Variants in SYNJ2 observed in about 807,000 individuals in gnomAD.
The protein encoded by SYNJ2 is polyphosphatidylinositol phosphatase SYNJ2.
In SYNJ2, 116 loss-of-function variants were observed where a neutral mutation model predicts 141.3. That is an observed-to-expected ratio of 0.82 (90% CI 0.71 to 0.96). The LOEUF (loss-of-function observed/expected upper bound fraction) is 0.96, where lower values mean the gene tolerates loss of function less well. Ranked by LOEUF, SYNJ2 falls within the 40% of genes least tolerant of loss-of-function variation. The probability of loss-of-function intolerance (pLI) is 0.00; values close to 1 mark genes in which losing one functional copy is unlikely to be tolerated. For missense variants in SYNJ2, 1,873 were observed against 1,934.8 expected (o/e 0.97, Z 0.60); for synonymous variants, 745 against 777.7 (o/e 0.96, Z 0.70).
At position 158,096,130 on chromosome 6, in the gene SYNJ2, T is replaced by C. The variant is rs41269571; in HGVS notation, c.4257T>C (p.Leu1419=). Residue 1419 remains leucine (L), a synonymous_variant, in exon 27 of 27, where the codon CTT becomes CTC. Transcript: ENST00000355585. ...GDYQDPFWNL[L]HHPKLLNNTW... is the part of the protein sequence containing the mutation. Reference sequence around the variant, plus strand: ...ATCAGGACCCCTTCTGGAACCTTCTTCACCACCCTAAACTGTTGAATAACA... The same window carrying C: ...ATCAGGACCCCTTCTGGAACCTTCTCCACCACCCTAAACTGTTGAATAACA... 1,196 of 1,614,204 alleles carry C rather than the reference T, an allele frequency of 7.4e-4. 2 individuals are homozygous for C. The highest frequency in any genetic ancestry group is 3.3e-3 in the South Asian group (299 of 91,086).
In SYNJ2 at chr6:158,066,640, G is replaced by C; in HGVS notation, c.1717+5G>C. On this transcript the variant is annotated splice_donor_5th_base_variant and intron_variant, in intron 12 of 26. Transcript: ENST00000355585. Reference sequence around the variant, plus strand: ...CGGGAGCTACCGACTCCCAGGGTGAGGGCAGTGACTTTGGGGGAGACAAAA... The same window carrying C: ...CGGGAGCTACCGACTCCCAGGGTGACGGCAGTGACTTTGGGGGAGACAAAA... The C allele has an allele frequency of 6.2e-7, 1 of 1,612,848 alleles. No individual in the cohort carries two copies. Among genetic ancestry groups the C allele is most frequent in the Admixed American group, 1.7e-5 (1 of 60,026 alleles).
At chr6:158,004,736 T>A (rs1777987071) in intron 1 of SYNJ2, among the ~76,000 whole-genome samples, 1 of 152,182 alleles carries the variant, frequency 6.6e-6, no homozygotes, top group Non-Finnish European at 1.5e-5. Flanking sequence ...CTAAGAACTC[T>A]CTCTCGGGGT....
intron 6 of SYNJ2, among the ~76,000 whole-genome samples, chr6:158,058,245 A>G (rs1282407797): frequency 1.3e-5 from 2 of 152,240 alleles, no homozygotes; most frequent in African/African-American, 4.8e-5. Context: ...ATTTAGGCAT[A>G]AAGATTGCAC....
At chr6:158,017,333 G>C (rs1562326383) in intron 2 of SYNJ2, 43 bp downstream of exon 2, 2 of 1,581,188 alleles carry the variant, frequency 1.3e-6, no homozygotes, top group Admixed American at 3.6e-5. Context: ...AGGCTCCCCG[G>C]TGGGCAGGAG....
intron 3 of SYNJ2, among the ~76,000 whole-genome samples, chr6:158,031,116 C>T (rs779423611): frequency 1.3e-5 from 2 of 152,134 alleles, no homozygotes; most frequent in Non-Finnish European, 2.9e-5. Flanking sequence ...GCATGTGCCC[C>T]GCGAGCTGTT....
At chr6:158,090,038 T>C in intron 25 of SYNJ2, 91 bp downstream of exon 25, 1 of 843,504 alleles carries the variant, frequency 1.2e-6, no homozygotes, top group Non-Finnish European at 2.0e-6. Flanking sequence ...AAATAACTCT[T>C]TTTATTCTTC....
intron 25 of SYNJ2, among the ~76,000 whole-genome samples, chr6:158,090,180 G>A (rs949359485): frequency 6.6e-5 from 10 of 151,974 alleles, no homozygotes; most frequent in Admixed American, 1.3e-4. Flanking sequence ...GCTATTAAGC[G>A]GCGTCTAAAG....
At chr6:158,026,636 C>G (rs913745969) in intron 2 of SYNJ2, among the ~76,000 whole-genome samples, 1 of 152,226 alleles carries the variant, frequency 6.6e-6, no homozygotes, top group Non-Finnish European at 1.5e-5. Flanking sequence ...AGGAAATGCA[C>G]CTGGGACTGT....
chr6:158,015,283 C>T (rs1778408093), intron 1 of SYNJ2, among the ~76,000 whole-genome samples: 3 of 152,080 alleles, frequency 2.0e-5, no homozygotes, highest in Non-Finnish European at 2.9e-5. Context: ...CTGTGGGAGT[C>T]GAGGCAGCCT....
chr6:158,095,696 C>T lies in SYNJ2; in HGVS notation c.3823C>T (p.Pro1275Ser). ...IGPPETSVEA[P>S]PVVTAPRVPP... ...GCCCCCGGAGACAAGCGTTGAGGCC[C>T]CTCCTGTCGTGACAGCCCCTCGAGT... Residue 1275 changes from proline (P) to serine (S), a missense_variant, in exon 27 of 27, where the codon CCT becomes TCT. Transcript: ENST00000355585. The T allele has an allele frequency of 6.2e-7, 1 of 1,614,174 alleles. No individual in the cohort carries two copies. The highest frequency in any genetic ancestry group is 2.2e-5 in the East Asian group (1 of 44,886).
At chr6:158,019,129 G>A (rs1778626237) in intron 2 of SYNJ2, among the ~76,000 whole-genome samples, 1 of 152,360 alleles carries the variant, frequency 6.6e-6, no homozygotes, top group Non-Finnish European at 1.5e-5. Flanking sequence ...CCCCCAGGAT[G>A]CCTCACAGTC....
intron 25 of SYNJ2, among the ~76,000 whole-genome samples, chr6:158,091,222 C>A (rs1783424531): frequency 6.6e-6 from 1 of 151,724 alleles, no homozygotes; most frequent in South Asian, 2.1e-4. Context: ...GAGGCTGAGG[C>A]AGGAGAATGG....
intron 17 of SYNJ2, 34 bp from the exon 18 acceptor site, chr6:158,078,130 A>G (rs774717742): frequency 7.2e-7 from 1 of 1,387,082 alleles, no homozygotes; most frequent in Non-Finnish European, 1.0e-6. Flanking sequence ...ACTCGATTCT[A>G]TATGGGTCTC....
intron 2 of SYNJ2, among the ~76,000 whole-genome samples, chr6:158,020,374 A>G (rs1778701746): frequency 6.8e-6 from 1 of 146,462 alleles, no homozygotes; most frequent in Non-Finnish European, 1.5e-5. Context: ...CTCCACCTGT[A>G]TGACTCCAAC....
At chr6:158,046,645 G>T (rs1258498892) in intron 5 of SYNJ2, among the ~76,000 whole-genome samples, 1 of 152,182 alleles carries the variant, frequency 6.6e-6, no homozygotes. Context: ...GAGGGTGGTG[G>T]ATGAGGATTT....
intron 26 of SYNJ2, among the ~76,000 whole-genome samples, chr6:158,095,358 T>C (rs1033961432): frequency 6.6e-6 from 1 of 152,174 alleles, no homozygotes. Flanking sequence ...TGTCTGATTA[T>C]TTACTGTGGC....
chr6:158,068,844 G>A (rs1436221028), intron 13 of SYNJ2, 116 bp downstream of exon 13: 1 of 1,105,674 alleles, frequency 9.0e-7, no homozygotes, highest in Non-Finnish European at 1.3e-6. Flanking sequence ...GCTAAGCTGT[G>A]GCCCTGGCTG....
intron 25 of SYNJ2, among the ~76,000 whole-genome samples, chr6:158,090,689 C>T (rs1474440715): frequency 2.6e-5 from 4 of 151,792 alleles, no homozygotes; most frequent in South Asian, 4.2e-4. Context: ...GGACTACAGG[C>T]GCGCAGCCCC....
Position 158,082,528 on chromosome 6 carries a change from G to A in SYNJ2, c.2866-901G>A, listed in dbSNP as rs1266268817. Among the ~76,000 whole-genome samples, 3 of 151,216 alleles carry A rather than the reference G, an allele frequency of 2.0e-5. 1 individual carries two copies. Among genetic ancestry groups the A allele is most frequent in the Non-Finnish European group, 4.4e-5 (3 of 67,908 alleles). ...AAAAAAAAAAGTAGCCAGACATGGT[G>A]GCGCGTGCCTCTAGTCCCAGCTACT... On this transcript the variant is annotated intron_variant, in intron 20 of 26. Transcript: ENST00000355585.
Sources: allele counts gnomAD v4.1 joint callset (sites outside exome capture counted in the v4.1 genomes callset), GRCh38; gene constraint gnomAD v4.1.1; transcripts MANE v1.5; gene names NCBI Gene and HGNC (gene_info 2026-07-23, HGNC 2026-07-21).